Variants in PTN observed in about 807,000 individuals in gnomAD.
PTN encodes heparin affin regulatory protein.
Under a neutral mutation model 24.1 loss-of-function variants are expected in PTN, and 18 were observed. The observed-to-expected ratio is 0.75, with a 90% CI of 0.52 to 1.11. The LOEUF (loss-of-function observed/expected upper bound fraction) is 1.11, where lower values mean the gene tolerates loss of function less well. PTN is among the 50% of genes least tolerant of loss of function. The probability of loss-of-function intolerance (pLI) is 0.00; values close to 1 mark genes in which losing one functional copy is unlikely to be tolerated. For missense variants in PTN, 163 were observed against 198.8 expected (o/e 0.82, Z 1.08); for synonymous variants, 78 against 68.6 (o/e 1.14, Z -0.67).
intron 4 of PTN, among the ~76,000 whole-genome samples, chr7:137,244,242 C>A (rs1808683135): frequency 6.6e-6 from 1 of 152,152 alleles, no homozygotes; most frequent in African/African-American, 2.4e-5. Context: ...CAGAGTAATA[C>A]TGCCTCCATC....
At chr7:137,244,454 G>C (rs552674638) in intron 4 of PTN, among the ~76,000 whole-genome samples, 1 of 145,162 alleles carries the variant, frequency 6.9e-6, no homozygotes, top group African/African-American at 2.6e-5. Context: ...GTATGTATAC[G>C]TGTGCCATGT....
In PTN at chr7:137,296,552, T is replaced by G. The variant is rs549523840; in HGVS notation, c.-1-41578A>C. Among the ~76,000 whole-genome samples, 119 of 152,100 alleles carry G rather than the reference T, an allele frequency of 7.8e-4. 1 individual carries two copies. Among genetic ancestry groups the G allele is most frequent in the African/African-American group, 2.8e-3 (115 of 41,510 alleles). On this transcript the variant is annotated intron_variant, in intron 1 of 4. Coordinates refer to ENST00000348225, the MANE Select transcript of PTN (RefSeq NM_002825.7). Reference sequence around the variant, plus strand: ...ATATTATCTGCCTTTCCAATGAGTATTCCCTCCTAGGCTCTATTAAAAAAC... The same window carrying G: ...ATATTATCTGCCTTTCCAATGAGTAGTCCCTCCTAGGCTCTATTAAAAAAC...
At chr7:137,284,052 C>T (rs1032959429) in intron 1 of PTN, among the ~76,000 whole-genome samples, 8 of 144,504 alleles carry the variant, frequency 5.5e-5, no homozygotes, top group Non-Finnish European at 1.0e-4. Flanking sequence ...CTGCAAGCTC[C>T]GCCTCCCGGG....
At chr7:137,294,148 T>C (rs769044251) in intron 1 of PTN, among the ~76,000 whole-genome samples, 16 of 152,152 alleles carry the variant, frequency 1.1e-4, no homozygotes, top group Non-Finnish European at 2.2e-4. Flanking sequence ...TTTTAGACCT[T>C]AGTTGCGAGC....
At chr7:137,228,881 GGATATT>G (rs1176959507) in intron 4 of PTN, among the ~76,000 whole-genome samples, 1 of 151,724 alleles carries the variant, frequency 6.6e-6, no homozygotes, top group Non-Finnish European at 1.5e-5. Context: ...GCAAGTGAGG[GGATATT>G]GCTAAATATT....
chr7:137,276,753 A>G (rs1585025358), intron 1 of PTN, among the ~76,000 whole-genome samples: 1 of 152,180 alleles, frequency 6.6e-6, no homozygotes, highest in Non-Finnish European at 1.5e-5. Flanking sequence ...CCTAGGATGT[A>G]TACCAGTGCA....
At chr7:137,231,264 T>C (rs1180391290) in intron 4 of PTN, among the ~76,000 whole-genome samples, 2 of 151,974 alleles carry the variant, frequency 1.3e-5, no homozygotes, top group Non-Finnish European at 2.9e-5. Flanking sequence ...CTCACCCATC[T>C]TCCTTATGAC....
chr7:137,329,656 T>C (rs970299918), intron 1 of PTN, among the ~76,000 whole-genome samples: 7 of 152,206 alleles, frequency 4.6e-5, no homozygotes, highest in African/African-American at 1.7e-4. Context: ...TATTAATTCT[T>C]GCCAGAGTTT....
chr7:137,321,786 A>G (rs1253374798), intron 1 of PTN, among the ~76,000 whole-genome samples: 1 of 152,230 alleles, frequency 6.6e-6, no homozygotes, highest in Non-Finnish European at 1.5e-5. Flanking sequence ...TTTAATGCTT[A>G]AATTATGGAA....
At chr7:137,230,459 C>T (rs1014401142) in intron 4 of PTN, among the ~76,000 whole-genome samples, 2 of 151,722 alleles carry the variant, frequency 1.3e-5, no homozygotes, top group Non-Finnish European at 2.9e-5. Flanking sequence ...GAACTTGAGT[C>T]TACTCTGGGC....
At chr7:137,232,888 C>T (rs934395406) in intron 4 of PTN, among the ~76,000 whole-genome samples, 2 of 151,916 alleles carry the variant, frequency 1.3e-5, no homozygotes, top group Non-Finnish European at 2.9e-5. Flanking sequence ...TGCATTCATT[C>T]TCTTTCCTGC....
At position 137,262,686 on chromosome 7, in the gene PTN, G is replaced by A. The variant is rs774969562; in HGVS notation, c.-1-7712C>T. On this transcript the variant is annotated intron_variant, in intron 1 of 4. Coordinates refer to ENST00000348225, the MANE Select transcript of PTN (RefSeq NM_002825.7). ...CTAAGGGGGTCCACATGAGAGGGTC[G>A]TGATTGATTGAGCAAGCCAGGGGGT... 4.8e-4 allele frequency among the ~76,000 whole-genome samples: 73 copies of A among 152,250 alleles called. 2 individuals carry two copies. Among genetic ancestry groups the A allele is most frequent in the Non-Finnish European group, 4.1e-4 (28 of 68,014 alleles).
At chr7:137,293,222 G>C (rs371826379) in intron 1 of PTN, among the ~76,000 whole-genome samples, 4 of 152,114 alleles carry the variant, frequency 2.6e-5, no homozygotes, top group African/African-American at 4.8e-5. Context: ...CTGCTCAACA[G>C]TGAAGTTGAG....
chr7:137,339,460 G>C (rs1430428434), intron 1 of PTN, among the ~76,000 whole-genome samples: 2 of 151,066 alleles, frequency 1.3e-5, no homozygotes, highest in Non-Finnish European at 2.9e-5. Context: ...TGATGGACAT[G>C]AGTAACTCCA....
chr7:137,305,276 A>G (rs756035094), intron 1 of PTN, among the ~76,000 whole-genome samples: 1 of 152,082 alleles, frequency 6.6e-6, no homozygotes, highest in Non-Finnish European at 1.5e-5. Context: ...CCTATTAATC[A>G]TATCTGAAAA....
intron 1 of PTN, among the ~76,000 whole-genome samples, chr7:137,297,769 C>T (rs1669008283): frequency 6.6e-6 from 1 of 151,982 alleles, no homozygotes; most frequent in Non-Finnish European, 1.5e-5. Flanking sequence ...ATTGATTTTT[C>T]CATGAAGGTC....
chr7:137,324,345 G>C (rs1810215665), intron 1 of PTN, among the ~76,000 whole-genome samples: 1 of 147,074 alleles, frequency 6.8e-6, no homozygotes, highest in South Asian at 2.1e-4. Flanking sequence ...GGCTCAAGCT[G>C]TAGTGTGCAA....
At chr7:137,245,791 T>C (rs940856671) in intron 4 of PTN, among the ~76,000 whole-genome samples, 1 of 151,970 alleles carries the variant, frequency 6.6e-6, no homozygotes, top group Non-Finnish European at 1.5e-5. Flanking sequence ...CCTAGGCTAA[T>C]CTGTGTGTGT....
intron 4 of PTN, chr7:137,236,163 A>G (rs1428572880): frequency 2.8e-6 from 2 of 702,050 alleles, no homozygotes; most frequent in African/African-American, 3.5e-5. Flanking sequence ...CAGTAGACGA[A>G]TCCATCTCCC....
Sources: gnomAD v4.1 joint callset for allele counts (sites outside exome capture counted in the v4.1 genomes callset) on GRCh38, gnomAD v4.1.1 for gene constraint, MANE v1.5 for transcripts, NCBI Gene and HGNC (gene_info 2026-07-23, HGNC 2026-07-21) for gene names.